MAD1L1: variants seen among roughly 807,000 people sequenced by gnomAD.
MAD1L1 encodes mitotic arrest deficient 1 like 1, also known as mitotic spindle assembly checkpoint protein MAD1.
Under a neutral mutation model 96.9 loss-of-function variants are expected in MAD1L1, and 95 were observed. The ratio of observed to expected loss-of-function variants is 0.98; its 90% confidence interval spans 0.83 to 1.16. The LOEUF (loss-of-function observed/expected upper bound fraction) is 1.16. Ranked by LOEUF, MAD1L1 falls within the 50% of genes most tolerant of loss-of-function variation. The pLI is 0.00. For synonymous variants in MAD1L1, 473 were observed against 396.6 expected (o/e 1.19, Z -2.29); for missense variants, 1,007 against 954.4 (o/e 1.06, Z -0.73).
chr7:2,076,560 GAC>G (rs931337575), intron 11 of MAD1L1, among the ~76,000 whole-genome samples: 2 of 152,218 alleles, frequency 1.3e-5, no homozygotes, highest in African/African-American at 4.8e-5. Context: ...ATAACGCCCA[GAC>G]ACACTGTTCA....
intron 11 of MAD1L1, among the ~76,000 whole-genome samples, chr7:2,093,845 CG>C (rs1184797891): frequency 1.3e-5 from 2 of 152,146 alleles, no homozygotes; most frequent in Admixed American, 6.5e-5. Flanking sequence ...CTGTGGGGCA[CG>C]GGGCAACAGA....
At chr7:1,846,904 C>T (rs1450832788) in intron 18 of MAD1L1, 2 of 289,708 alleles carry the variant, frequency 6.9e-6, no homozygotes, top group South Asian at 3.1e-5. Flanking sequence ...TGTTTGCTCT[C>T]TGCCAGCTCG....
At chr7:1,900,938 G>C (rs1166229253) in intron 17 of MAD1L1, among the ~76,000 whole-genome samples, 1 of 152,158 alleles carries the variant, frequency 6.6e-6, no homozygotes, top group East Asian at 1.9e-4. Context: ...CCCCCTCTCA[G>C]AGGCGAGACC....
chr7:1,848,460 C>T (rs927396313), intron 18 of MAD1L1: 1 of 152,366 alleles, frequency 6.6e-6, no homozygotes, highest in Non-Finnish European at 1.5e-5. Flanking sequence ...AGCTTGCCGC[C>T]TCCTCGGAGG....
At chr7:1,951,130 G>A (rs1339525621) in intron 16 of MAD1L1, among the ~76,000 whole-genome samples, 2 of 152,256 alleles carry the variant, frequency 1.3e-5, no homozygotes, top group African/African-American at 2.4e-5. Context: ...CCAGACTGGC[G>A]GATGAGCAGG....
At chr7:2,147,419 A>G (rs1456164695) in intron 11 of MAD1L1, among the ~76,000 whole-genome samples, 1 of 152,224 alleles carries the variant, frequency 6.6e-6, no homozygotes, top group Non-Finnish European at 1.5e-5. Context: ...ACAGGGCAAT[A>G]AGCCACACGT....
At chr7:2,125,763 C>A (rs1031649002) in intron 11 of MAD1L1, among the ~76,000 whole-genome samples, 10 of 152,356 alleles carry the variant, frequency 6.6e-5, no homozygotes, top group South Asian at 2.1e-4. Context: ...TAAGGGCTTC[C>A]TGGGGTCATT....
At chr7:1,957,979 C>T (rs1188900049) in intron 15 of MAD1L1, among the ~76,000 whole-genome samples, 1 of 152,248 alleles carries the variant, frequency 6.6e-6, no homozygotes, top group Non-Finnish European at 1.5e-5. Context: ...CTGTCGACCA[C>T]ACCTTGGCTG....
Position 1,815,875 on chromosome 7 carries a change from TG to T in MAD1L1, c.*194del, listed in dbSNP as rs936553352. The stretch of plus-strand genomic sequence containing the variant: ...CCCACACACCAGGCTCCGGGACGCA[TG>T]GGGTCTGCACGTGGAGAGGGTGCTG... On this transcript the variant is annotated 3_prime_UTR_variant, in exon 19 of 19. Transcript: ENST00000265854. 5.0e-6 allele frequency: 3 copies of T among 597,730 alleles called. No individual in the cohort carries two copies. The highest frequency in any genetic ancestry group is 2.2e-5 in the South Asian group (1 of 45,596). The allele number at this position is 597,730 out of a possible 1,614,324, so 37.0% of individuals were successfully genotyped here.
chr7:1,980,900 T>C, intron 14 of MAD1L1: 1 of 387,908 alleles, frequency 2.6e-6, no homozygotes, highest in East Asian at 6.7e-5. Context: ...AGCCGTCGTT[T>C]ATTCCGCTAC....
At chr7:1,922,284 A>AT (rs1459525299) in intron 17 of MAD1L1, among the ~76,000 whole-genome samples, 2 of 152,252 alleles carry the variant, frequency 1.3e-5, no homozygotes, top group Admixed American at 1.3e-4. Flanking sequence ...CAGAGTCTCC[A>AT]TTCACACAGA....
At chr7:1,954,415 G>A (rs1779634869) in intron 16 of MAD1L1, among the ~76,000 whole-genome samples, 2 of 152,254 alleles carry the variant, frequency 1.3e-5, no homozygotes, top group South Asian at 4.1e-4. Context: ...CGCATCAGAG[G>A]GCAGCCGGGA....
chr7:1,888,961 T>C (rs1301986089), intron 18 of MAD1L1, among the ~76,000 whole-genome samples: 3 of 152,228 alleles, frequency 2.0e-5, no homozygotes, highest in Non-Finnish European at 4.4e-5. Flanking sequence ...GCTTCCATGA[T>C]GCACTCACTG....
intron 17 of MAD1L1, among the ~76,000 whole-genome samples, chr7:1,931,499 G>A (rs920442931): frequency 6.6e-6 from 1 of 152,228 alleles, no homozygotes; most frequent in Admixed American, 6.5e-5. Flanking sequence ...TTTCTCTCCA[G>A]AGTCCACCAT....
At chr7:1,923,495 C>T (rs55798210) in intron 17 of MAD1L1, among the ~76,000 whole-genome samples, 7,543 of 150,450 alleles carry the variant, frequency 0.05, 269 homozygotes, top group Admixed American at 0.1. Context: ...AGCCGGGCAA[C>T]CCCGCGCTCT....
At chr7:1,883,419 G>A (rs985322960) in intron 18 of MAD1L1, among the ~76,000 whole-genome samples, 3 of 152,182 alleles carry the variant, frequency 2.0e-5, no homozygotes, top group African/African-American at 4.8e-5. Flanking sequence ...AGTCTCTTCT[G>A]AATGCCTGGG....
At chr7:2,036,503 C>T (rs190451006) in intron 12 of MAD1L1, among the ~76,000 whole-genome samples, 4 of 152,198 alleles carry the variant, frequency 2.6e-5, no homozygotes, top group African/African-American at 9.6e-5. Flanking sequence ...ACAATCCATC[C>T]GGTCGTGAGT....
intron 10 of MAD1L1, among the ~76,000 whole-genome samples, chr7:2,163,810 C>T (rs1344454958): frequency 6.6e-6 from 1 of 152,150 alleles, no homozygotes; most frequent in African/African-American, 2.4e-5. Context: ...GCTGCCCCCT[C>T]CTCACCATGC....
chr7:1,988,635 G>A (rs922717905), intron 14 of MAD1L1, among the ~76,000 whole-genome samples: 11 of 152,210 alleles, frequency 7.2e-5, no homozygotes, highest in East Asian at 3.9e-4. Flanking sequence ...GGACCCGGCC[G>A]CGCTCCAGGG....
Sources: gnomAD v4.1 joint callset for allele counts (sites outside exome capture counted in the v4.1 genomes callset) on GRCh38, gnomAD v4.1.1 for gene constraint, MANE v1.5 for transcripts, NCBI Gene and HGNC (gene_info 2026-07-23, HGNC 2026-07-21) for gene names.